Variants in NUP160 observed in about 807,000 individuals in gnomAD.
NUP160 encodes nuclear pore complex protein Nup160.
NUP160 carries 94 observed loss-of-function variants against 196.9 expected under a neutral mutation model. The ratio of observed to expected loss-of-function variants is 0.48; its 90% CI spans 0.40 to 0.57. NUP160 has a LOEUF of 0.57. Ranked by LOEUF, NUP160 falls within the 20% of genes least tolerant of loss-of-function variation. The pLI, the probability that NUP160 is intolerant of heterozygous loss-of-function variation, is 0.00. For synonymous variants in NUP160, 605 were observed against 619.7 expected (o/e 0.98, Z 0.35); for missense variants, 1,638 against 1,748.3 (o/e 0.94, Z 1.13).
At chr11:47,798,668 A>G (rs559296554) in intron 23 of NUP160, among the ~76,000 whole-genome samples, 3 of 152,024 alleles carry the variant, frequency 2.0e-5, no homozygotes, top group Non-Finnish European at 4.4e-5. Flanking sequence ...CTACAAAAAA[A>G]TTTTTTTAAA....
chr11:47,817,529 T>C (rs565925960), intron 11 of NUP160, among the ~76,000 whole-genome samples: 1 of 151,918 alleles, frequency 6.6e-6, no homozygotes, highest in East Asian at 1.9e-4. Context: ...GTATTTTTAG[T>C]AGAGACGGGG....
At chr11:47,826,476 C>T (rs374499460) in intron 7 of NUP160, among the ~76,000 whole-genome samples, 1 of 152,214 alleles carries the variant, frequency 6.6e-6, no homozygotes, top group East Asian at 1.9e-4. Flanking sequence ...CCCGATCTGA[C>T]CTTTAGAGCA....
chr11:47,806,116 A>G (rs753555374), intron 20 of NUP160, 37 bp downstream of exon 20: 83 of 1,604,376 alleles, frequency 5.2e-5, no homozygotes, highest in Non-Finnish European at 6.6e-5. Context: ...GCCCGGCCAG[A>G]AGAGAGCTTT....
rs1852164271 is a variant in NUP160, at chr11:47,835,909, A to G, written c.943-100T>C. Reference sequence around the variant, plus strand: ...GACCTTTCATTGTATCTACTGCTCTATCTAGTTTATCTGCTAAAAGACCTT... The same window carrying G: ...GACCTTTCATTGTATCTACTGCTCTGTCTAGTTTATCTGCTAAAAGACCTT... On this transcript the variant is annotated intron_variant, in intron 6 of 35. Coordinates refer to ENST00000378460, the Ensembl canonical transcript of NUP160. The G allele has an allele frequency of 1.3e-5, 12 of 928,110 alleles. No homozygotes were observed. The Admixed American group carries it at 3.5e-4, about 27-fold the overall frequency. The allele number at this position is 928,110 out of a possible 1,614,324, so 57.5% of individuals were successfully genotyped here.
chr11:47,795,739 T>C (rs1021309036), intron 27 of NUP160, among the ~76,000 whole-genome samples: 4 of 152,128 alleles, frequency 2.6e-5, no homozygotes, highest in Non-Finnish European at 5.9e-5. Context: ...TTCAAAAATA[T>C]CAATGTCATC....
intron 17 of NUP160, among the ~76,000 whole-genome samples, chr11:47,809,975 T>A (rs1014024331): frequency 7.9e-5 from 12 of 152,176 alleles, no homozygotes; most frequent in African/African-American, 2.9e-4. Context: ...ATTTTTTAAA[T>A]TTTTGCTTAT....
intron 22 of NUP160, among the ~76,000 whole-genome samples, chr11:47,803,170 A>AATAATAATG (rs1445317850): frequency 6.7e-6 from 1 of 148,554 alleles, no homozygotes; most frequent in East Asian, 2.0e-4. Context: ...TAATAATAAT[A>AATAATAATG]ATAATAATAA....
chr11:47,831,573 G>A (rs1357644865), intron 7 of NUP160, among the ~76,000 whole-genome samples: 1 of 152,126 alleles, frequency 6.6e-6, no homozygotes, highest in African/African-American at 2.4e-5. Context: ...GCCAGGTGCA[G>A]TGGCTCACGC....
At chr11:47,814,201 C>T (rs964822426) in intron 13 of NUP160, among the ~76,000 whole-genome samples, 1 of 150,260 alleles carries the variant, frequency 6.7e-6, no homozygotes, top group Non-Finnish European at 1.5e-5. Context: ...CAAATAACAT[C>T]ATTCTCATGA....
At chr11:47,788,504 C>A (rs1466275683) in exon 30 of NUP160, 2 of 1,612,564 alleles carry the variant, frequency 1.2e-6, no homozygotes, top group Non-Finnish European at 1.7e-6. Context: ...TTCCTACCAG[C>A]AACTGCAACC....
intron 9 of NUP160, chr11:47,820,415 T>A (rs1183038323): frequency 6.6e-6 from 1 of 152,230 alleles, no homozygotes; most frequent in Non-Finnish European, 1.5e-5. Context: ...TAAATTGTGT[T>A]ATAATTTTAT....
chr11:47,784,901 T>A, intron 33 of NUP160, 21 bp downstream of exon 33: 1 of 1,551,922 alleles, frequency 6.4e-7, no homozygotes, highest in South Asian at 1.2e-5. Context: ...TCTTACTCTG[T>A]ACAAGTTATA....
intron 28 of NUP160, 50 bp downstream of exon 28, chr11:47,792,736 T>C: frequency 6.7e-7 from 1 of 1,498,542 alleles, no homozygotes; most frequent in Non-Finnish European, 9.0e-7. Context: ...CAAGTAGATT[T>C]ACTTGTTCCA....
At chr11:47,848,526 C>G, upstream of NUP160, 1 of 907,250 alleles carries the variant, frequency 1.1e-6, no homozygotes, top group Non-Finnish European at 1.6e-6. Flanking sequence ...GGGAGGCAGA[C>G]TCTATCTGCG....
At chr11:47,804,051 C>T (rs1186428453) in intron 21 of NUP160, among the ~76,000 whole-genome samples, 5 of 151,830 alleles carry the variant, frequency 3.3e-5, no homozygotes, top group Admixed American at 6.6e-5. Flanking sequence ...CGCGGTGGCA[C>T]GTGCCTGTAA....
chr11:47,814,070 C>CAAAA lies in NUP160; in HGVS notation c.1687-659_1687-656dup, dbSNP rs5791787. On this transcript the variant is annotated intron_variant, in intron 13 of 35. Coordinates refer to ENST00000378460, the Ensembl canonical transcript of NUP160. ...TGGGTGACAGAGCGAGACTCTGTCT[C>CAAAA]AAAAAAAAAAAAAAAAAAAAAAAAG... is the stretch of plus-strand genomic sequence containing the variant. 1.6e-3 allele frequency among the ~76,000 whole-genome samples: 63 copies of CAAAA among 39,824 alleles called. 2 individuals are homozygous for CAAAA. Among genetic ancestry groups the CAAAA allele is most frequent in the East Asian group, 3.4e-3 (3 of 872 alleles). 26.1% of individuals were successfully genotyped at this position (39,824 alleles called of 152,430 possible).
Position 47,806,214 on chromosome 11 carries a change from G to A in NUP160, c.2545C>T (p.Gln849Ter). The A allele has an allele frequency of 6.2e-7, 1 of 1,614,102 alleles. No homozygotes were observed. The highest frequency in any genetic ancestry group is 8.5e-7 in the Non-Finnish European group (1 of 1,179,962). Residue 849 changes from glutamine (Q) to a stop codon, truncating the protein, a stop_gained, in exon 20 of 36, where the codon CAA becomes TAA. Transcript: ENST00000378460. LOFTEE classifies it high-confidence loss of function. ...ATTTCAGGCCAATTCAATCCAGTTT[G>A]GCTCAGAGGTGCCTTTGGCTGAGAG...
chr11:47,840,959 C>T (rs538001478), intron 2 of NUP160, among the ~76,000 whole-genome samples: 7 of 152,182 alleles, frequency 4.6e-5, no homozygotes, highest in East Asian at 1.9e-4. Context: ...TTAATAATTG[C>T]GGTTATTTCC....
chr11:47,839,745 G>T, intron 4 of NUP160, 98 bp downstream of exon 4: 1 of 996,386 alleles, frequency 1.0e-6, no homozygotes, highest in South Asian at 1.3e-5. Flanking sequence ...TTCCGGGGCA[G>T]TAGAGATGCA....
Sources: gnomAD v4.1 joint callset for allele counts (sites outside exome capture counted in the v4.1 genomes callset) on GRCh38, gnomAD v4.1.1 for gene constraint, MANE v1.5 for transcripts, NCBI Gene and HGNC (gene_info 2026-07-23, HGNC 2026-07-21) for gene names.